XPO4: variants seen among roughly 807,000 people sequenced by gnomAD.
XPO4 encodes exportin 4.
Under a neutral mutation model 143.0 loss-of-function variants are expected in XPO4, and 39 were observed. The ratio of observed to expected loss-of-function variants is 0.27; its 90% CI spans 0.21 to 0.36. XPO4 has a LOEUF of 0.36. Ranked by LOEUF, XPO4 falls within the 10% of genes least tolerant of loss-of-function variation. XPO4 has a pLI of 1.00. For missense variants in XPO4, 907 were observed against 1,348.0 expected (o/e 0.67, Z 5.12); for synonymous variants, 439 against 474.0 (o/e 0.93, Z 0.96).
chr13:20,809,308 G>A, intron 10 of XPO4, 83 bp from the exon 11 acceptor site: 1 of 1,513,446 alleles, frequency 6.6e-7, no homozygotes, highest in East Asian at 2.4e-5. Context: ...ACATAGCTTA[G>A]ATAGCTAAGC....
At chr13:20,807,753 T>C in intron 12 of XPO4, 119 bp from the exon 13 acceptor site, 1 of 795,976 alleles carries the variant, frequency 1.3e-6, no homozygotes, top group Non-Finnish European at 1.8e-6. Context: ...ATTATAAATG[T>C]TAACCTGTTA....
At chr13:20,850,924 C>T (rs2060078613) in intron 4 of XPO4, 1 of 985,252 alleles carries the variant, frequency 1.0e-6, no homozygotes. Flanking sequence ...TTCATGAAGT[C>T]AACCCTTTCT....
Position 20,802,576 on chromosome 13 carries a change from G to T in XPO4, c.1818-1586C>A, listed in dbSNP as rs1252276599. Among the ~76,000 whole-genome samples, 6 of 152,004 alleles carry T rather than the reference G, an allele frequency of 3.9e-5. No homozygotes were observed. In the East Asian group the frequency reaches 1.2e-3, roughly 29 times the overall value. Reference sequence around the variant, plus strand: ...GCCTAACAAAATTCAAAAGAAAATGGTTACATTAACACTTTAAATTTATGC... The same window carrying T: ...GCCTAACAAAATTCAAAAGAAAATGTTTACATTAACACTTTAAATTTATGC... On this transcript the variant is annotated intron_variant, in intron 13 of 22. Coordinates refer to ENST00000255305, the MANE Select transcript of XPO4 (RefSeq NM_022459.5).
At position 20,780,510 on chromosome 13, in the gene XPO4, A is replaced by G. The variant is rs2059130951; in HGVS notation, c.*3212T>C. 6.6e-6 allele frequency: 1 copy of G among 152,218 alleles called. No homozygotes were observed. The highest frequency in any genetic ancestry group is 2.1e-4 in the South Asian group (1 of 4,836). 9.4% of individuals were successfully genotyped at this position (152,218 alleles called of 1,614,324 possible). ...AGACAGTTAAGGGGAGTGTTAAATA[A>G]TGCTGACTGGGGGGAAATGATATAG... On this transcript the variant is annotated 3_prime_UTR_variant, in exon 23 of 23. Coordinates refer to ENST00000255305, the MANE Select transcript of XPO4 (RefSeq NM_022459.5).
At chr13:20,874,866 G>A (rs2060336970) in intron 1 of XPO4, among the ~76,000 whole-genome samples, 1 of 152,144 alleles carries the variant, frequency 6.6e-6, no homozygotes, top group South Asian at 2.1e-4. Context: ...GATGGCAGGT[G>A]CCTATAATCC....
At position 20,783,006 on chromosome 13, in the gene XPO4, AAAGCAAGAAAGCAAGC is replaced by A. The variant is rs955540346; in HGVS notation, c.*700_*715del. 7.9e-5 allele frequency: 12 copies of A among 152,428 alleles called. No homozygotes were observed. Among genetic ancestry groups the A allele is most frequent in the South Asian group, 4.1e-4 (2 of 4,824 alleles). The allele number at this position is 152,428 out of a possible 1,614,324, so 9.4% of individuals were successfully genotyped here. On this transcript the variant is annotated 3_prime_UTR_variant, in exon 23 of 23. Coordinates refer to ENST00000255305, the MANE Select transcript of XPO4 (RefSeq NM_022459.5). ...AGAAAGAGAGAGACAGAAAGCAAGA[AAAGCAAGAAAGCAAGC>A]AAGCAAGAAAGCAAGCTAAGAAAAA...
At chr13:20,856,227 AT>A (rs2060142502) in intron 3 of XPO4, 1 of 610,302 alleles carries the variant, frequency 1.6e-6, no homozygotes, top group Admixed American at 6.3e-5. Flanking sequence ...ACAACTACTA[AT>A]CTAATCCTAA....
rs1406162160 is a variant in XPO4, at chr13:20,807,590, G to A, written c.1684C>T (p.Pro562Ser). ...DDTQGETPLI[P>S]PEIMEYSIKH... ...ATGGAATATTCCATTATTTCTGGAG[G>A]TATTAGCGGAGTCTCTCCCTGAGTA... The change falls in exon 13 of 23, where the codon CCT becomes TCT. Residue 562 changes from proline (P) to serine (S), a missense_variant. Physicochemically the swap from Pro to Ser is moderately conservative, Grantham distance 74. Transcript: ENST00000255305. 1 of 1,611,314 alleles carries A rather than the reference G, an allele frequency of 6.2e-7. No homozygotes were observed. Among genetic ancestry groups the A allele is most frequent in the East Asian group, 2.2e-5 (1 of 44,762 alleles).
At chr13:20,847,939 G>T (rs61954192) in intron 4 of XPO4, among the ~76,000 whole-genome samples, 153 of 152,194 alleles carry the variant, frequency 1.0e-3, no homozygotes, top group African/African-American at 3.3e-3. Flanking sequence ...TTAATGAAAC[G>T]TCCTATAAAT....
chr13:20,808,711 T>C, intron 11 of XPO4, 130 bp from the exon 12 acceptor site: 3 of 730,846 alleles, frequency 4.1e-6, no homozygotes, highest in Non-Finnish European at 6.2e-6. Context: ...AACATTATAG[T>C]ACACAACTGT....
chr13:20,880,288 C>T (rs748038553), intron 1 of XPO4, among the ~76,000 whole-genome samples: 3 of 151,992 alleles, frequency 2.0e-5, no homozygotes, highest in African/African-American at 4.8e-5. Flanking sequence ...AAAAATTAGC[C>T]GGGCGTGGTG....
At chr13:20,825,064 A>G (rs1212093276) in intron 7 of XPO4, among the ~76,000 whole-genome samples, 1 of 152,184 alleles carries the variant, frequency 6.6e-6, no homozygotes, top group Non-Finnish European at 1.5e-5. Context: ...AGGAATGCCA[A>G]TATTTATGTG....
intron 6 of XPO4, among the ~76,000 whole-genome samples, chr13:20,827,986 T>C (rs2059805135): frequency 6.6e-6 from 1 of 152,120 alleles, no homozygotes; most frequent in Non-Finnish European, 1.5e-5. Flanking sequence ...GCCTGTAATC[T>C]CCACATTTTG....
chr13:20,800,766 T>A, intron 14 of XPO4, 65 bp downstream of exon 14: 1 of 1,556,144 alleles, frequency 6.4e-7, no homozygotes. Context: ...CCAAGAAAAA[T>A]GTTCCTGCTT....
chr13:20,807,409 T>C (rs1566572033), intron 13 of XPO4, 48 bp downstream of exon 13: 15 of 1,544,752 alleles, frequency 9.7e-6, no homozygotes, highest in Non-Finnish European at 1.3e-5. Context: ...TCAGAATTTA[T>C]AAAACAGTAT....
intron 9 of XPO4, among the ~76,000 whole-genome samples, chr13:20,810,733 C>T (rs1216141723): frequency 2.0e-5 from 3 of 152,144 alleles, no homozygotes; most frequent in African/African-American, 7.2e-5. Flanking sequence ...GGCCTCTCTC[C>T]ACAAGCATGG....
chr13:20,805,782 TTACG>T (rs2059496884), intron 13 of XPO4, among the ~76,000 whole-genome samples: 1 of 152,258 alleles, frequency 6.6e-6, no homozygotes, highest in Non-Finnish European at 1.5e-5. Flanking sequence ...AGGCTCCCTG[TTACG>T]TTGTCAGCAG....
chr13:20,797,120 G>A, intron 16 of XPO4, 63 bp from the exon 17 acceptor site: 1 of 1,448,592 alleles, frequency 6.9e-7, no homozygotes, highest in Non-Finnish European at 9.2e-7. Flanking sequence ...CCTCTGCTTG[G>A]ATACATATTC....
intron 4 of XPO4, chr13:20,851,664 T>A (rs1397609718): frequency 1.4e-6 from 1 of 729,102 alleles, no homozygotes; most frequent in Admixed American, 8.1e-5. Context: ...AGGCCAAGAC[T>A]ACACCATTGC....
Sources: gnomAD v4.1 joint callset for allele counts (sites outside exome capture counted in the v4.1 genomes callset) on GRCh38, gnomAD v4.1.1 for gene constraint, MANE v1.5 for transcripts, NCBI Gene and HGNC (gene_info 2026-07-23, HGNC 2026-07-21) for gene names.